Variants in TMEM132C observed in about 807,000 individuals in gnomAD.
TMEM132C encodes protein phosphatase 1, regulatory subunit 152.
In TMEM132C, 29 loss-of-function variants were observed where a neutral mutation model predicts 61.4. The observed-to-expected ratio is 0.47, with a 90% confidence interval of 0.35 to 0.64. The LOEUF (loss-of-function observed/expected upper bound fraction) is 0.64. Ranked by LOEUF, TMEM132C falls within the 30% of genes least tolerant of loss-of-function variation. TMEM132C has a pLI of 0.00. For synonymous variants in TMEM132C, 656 were observed against 633.1 expected (o/e 1.04, Z -0.54); for missense variants, 1,408 against 1,476.9 (o/e 0.95, Z 0.76).
chr12:128,460,023 T>C (rs1284737333), intron 2 of TMEM132C, among the ~76,000 whole-genome samples: 2 of 152,028 alleles, frequency 1.3e-5, no homozygotes, highest in Non-Finnish European at 2.9e-5. Flanking sequence ...GAGTCTCAGA[T>C]TGAAAAGTAA....
At chr12:128,551,501 A>G (rs1874174778) in intron 3 of TMEM132C, among the ~76,000 whole-genome samples, 1 of 152,140 alleles carries the variant, frequency 6.6e-6, no homozygotes, top group South Asian at 2.1e-4. Flanking sequence ...AGTCAGGCAA[A>G]GTCAGCCAAC....
chr12:128,676,521 A>T lies in TMEM132C; in HGVS notation c.1449+6961A>T, dbSNP rs114356438. On this transcript the variant is annotated intron_variant, in intron 5 of 8. Coordinates refer to ENST00000435159, the MANE Select transcript of TMEM132C (RefSeq NM_001136103.3). Reference sequence around the variant, plus strand: ...GAAAGAAAGAACTACCTTTACTCCCATCACCCTTAGAGAATCATTGTAAAC... The same window carrying T: ...GAAAGAAAGAACTACCTTTACTCCCTTCACCCTTAGAGAATCATTGTAAAC... 7.9e-3 allele frequency among the ~76,000 whole-genome samples: 1,207 copies of T among 152,332 alleles called. 16 individuals carry two copies. The highest frequency in any genetic ancestry group is 0.028 in the African/African-American group (1,153 of 41,572).
intron 4 of TMEM132C, among the ~76,000 whole-genome samples, chr12:128,629,839 A>G (rs896834870): frequency 6.6e-6 from 1 of 151,886 alleles, no homozygotes; most frequent in African/African-American, 2.4e-5. Context: ...GGTGGTGCAC[A>G]CCTGTAATCC....
intron 5 of TMEM132C, among the ~76,000 whole-genome samples, chr12:128,683,509 G>A (rs903158378): frequency 2.6e-5 from 4 of 152,196 alleles, no homozygotes; most frequent in African/African-American, 9.7e-5. Context: ...CTGGATGGTT[G>A]CTTTCAAATC....
intron 2 of TMEM132C, among the ~76,000 whole-genome samples, chr12:128,417,763 C>T (rs1868829269): frequency 6.6e-6 from 1 of 152,154 alleles, no homozygotes; most frequent in Non-Finnish European, 1.5e-5. Flanking sequence ...TTTTAAACAC[C>T]CGTCAAACCT....
intron 3 of TMEM132C, among the ~76,000 whole-genome samples, chr12:128,615,854 G>A (rs1349782026): frequency 6.6e-6 from 1 of 152,194 alleles, no homozygotes; most frequent in African/African-American, 2.4e-5. Flanking sequence ...AGATAAACTA[G>A]TTTAGCTCAT....
Position 128,326,062 on chromosome 12 carries a change from A to G in TMEM132C, c.85+58575A>G, listed in dbSNP as rs191262595. On this transcript the variant is annotated intron_variant, in intron 1 of 8. Coordinates refer to ENST00000435159, the MANE Select transcript of TMEM132C (RefSeq NM_001136103.3). The surrounding 1 kb of genome is among the most constrained non-coding windows in gnomAD (Gnocchi z 5.6). Reference sequence around the variant, plus strand: ...TGGCCAGTATTCACACAGTATTGGAATGAACGAGTAAATGAATGAATGCAT... The same window carrying G: ...TGGCCAGTATTCACACAGTATTGGAGTGAACGAGTAAATGAATGAATGCAT... Among the ~76,000 whole-genome samples the G allele has an allele frequency of 1.4e-3, 217 of 152,268 alleles. No individual in the cohort carries two copies. In the Middle Eastern group the frequency reaches 0.024, roughly 17 times the overall value.
intron 1 of TMEM132C, among the ~76,000 whole-genome samples, chr12:128,383,516 G>A (rs894497526): frequency 2.0e-5 from 3 of 152,110 alleles, no homozygotes; most frequent in East Asian, 1.9e-4. Context: ...TGGGTGTCCC[G>A]GGATTCAGGG....
intron 1 of TMEM132C, among the ~76,000 whole-genome samples, chr12:128,316,204 A>G (rs1335167046): frequency 1.3e-5 from 2 of 152,136 alleles, no homozygotes; most frequent in South Asian, 2.1e-4. Context: ...CACTAATTCT[A>G]TTAGACTCTC....
intron 1 of TMEM132C, among the ~76,000 whole-genome samples, chr12:128,271,166 A>C (rs981382533): frequency 6.6e-6 from 1 of 151,868 alleles, no homozygotes; most frequent in Non-Finnish European, 1.5e-5. Flanking sequence ...AGGCATGAGA[A>C]TTGCTTGAAT....
At chr12:128,267,602 C>T (rs1870352964) in intron 1 of TMEM132C, 115 bp downstream of exon 1, 6 of 854,132 alleles carry the variant, frequency 7.0e-6, no homozygotes, top group African/African-American at 1.8e-5. Flanking sequence ...GGCGGGGGCT[C>T]GGATCCCATC....
chr12:128,691,784 G>T (rs562253711), intron 5 of TMEM132C, among the ~76,000 whole-genome samples: 6 of 150,200 alleles, frequency 4.0e-5, no homozygotes, highest in African/African-American at 1.5e-4. Context: ...CCATTCATGT[G>T]TCTGTCCCTC....
intron 3 of TMEM132C, among the ~76,000 whole-genome samples, chr12:128,554,274 G>A (rs1012761240): frequency 6.6e-6 from 1 of 152,178 alleles, no homozygotes; most frequent in Non-Finnish European, 1.5e-5. Context: ...AGGTGGGTAA[G>A]GAAGCGGGTG....
At chr12:128,576,596 T>C (rs141448011) in intron 3 of TMEM132C, among the ~76,000 whole-genome samples, 40 of 152,364 alleles carry the variant, frequency 2.6e-4, no homozygotes, top group African/African-American at 9.6e-4. Flanking sequence ...CACTTTCTAT[T>C]TGCCAGCCTT....
intron 2 of TMEM132C, among the ~76,000 whole-genome samples, chr12:128,449,465 A>G (rs1040421940): frequency 6.6e-6 from 1 of 152,254 alleles, no homozygotes; most frequent in Non-Finnish European, 1.5e-5. Flanking sequence ...GCTAGAAACA[A>G]GTAGACCAGA....
intron 4 of TMEM132C, among the ~76,000 whole-genome samples, chr12:128,644,529 A>G (rs1954181420): frequency 6.6e-6 from 1 of 152,246 alleles, no homozygotes; most frequent in Non-Finnish European, 1.5e-5. Flanking sequence ...TTCCATTTAG[A>G]TGAACTTTCT....
intron 3 of TMEM132C, 25 bp from the exon 4 acceptor site, chr12:128,616,127 A>G: frequency 6.5e-7 from 1 of 1,546,910 alleles, no homozygotes; most frequent in South Asian, 1.2e-5. Context: ...GTTGGCTTAA[A>G]GCCAGTTTCT....
chr12:128,505,089 A>G (rs186065616), intron 2 of TMEM132C, among the ~76,000 whole-genome samples: 9 of 150,864 alleles, frequency 6.0e-5, no homozygotes, highest in African/African-American at 1.9e-4. Context: ...GCAAGTTTCA[A>G]TTAGAGTCCT....
intron 3 of TMEM132C, among the ~76,000 whole-genome samples, chr12:128,590,104 A>G (rs892030738): frequency 6.6e-6 from 1 of 152,242 alleles, no homozygotes; most frequent in African/African-American, 2.4e-5. Context: ...AGGCCTACCC[A>G]TGGGCTCTCC....
Sources: allele counts gnomAD v4.1 joint callset (sites outside exome capture counted in the v4.1 genomes callset), GRCh38; gene constraint gnomAD v4.1.1; non-coding constraint Gnocchi (gnomAD v3.1); transcripts MANE v1.5; gene names NCBI Gene and HGNC (gene_info 2026-07-23, HGNC 2026-07-21).